GNG2: variants seen among roughly 807,000 people sequenced by gnomAD.
The protein encoded by GNG2 is guanine nucleotide-binding protein G(I)/G(S)/G(O) subunit gamma-2.
GNG2 carries 5 observed loss-of-function variants against 5.5 expected under a neutral mutation model. That is an observed-to-expected ratio of 0.91 (90% CI 0.48 to 1.92). The LOEUF (loss-of-function observed/expected upper bound fraction) is 1.92. GNG2 is among the 30% of genes most tolerant of loss of function. The pLI is 0.01. For missense variants in GNG2, 55 were observed against 88.4 expected, an observed-to-expected ratio of 0.62 and a Z score of 1.52; for synonymous variants, 28 against 32.0, an observed-to-expected ratio of 0.88 and a Z score of 0.42.
At chr14:51,897,516 T>C (rs1471119188) in intron 2 of GNG2, among the ~76,000 whole-genome samples, 1 of 152,190 alleles carries the variant, frequency 6.6e-6, no homozygotes, top group Non-Finnish European at 1.5e-5. Flanking sequence ...AAATTTCCAG[T>C]TGAACTGGTA....
At chr14:51,956,582 A>G (rs984297105) in intron 3 of GNG2, among the ~76,000 whole-genome samples, 2 of 152,188 alleles carry the variant, frequency 1.3e-5, no homozygotes, top group Non-Finnish European at 2.9e-5. Context: ...CACACTTCCC[A>G]TCTCAAGCCT....
At chr14:51,917,567 G>A (rs1749580862) in intron 2 of GNG2, 1 of 361,896 alleles carries the variant, frequency 2.8e-6, no homozygotes, top group Non-Finnish European at 5.4e-6. Context: ...AATTACCTCT[G>A]ATTAAAGGTA....
intron 2 of GNG2, among the ~76,000 whole-genome samples, chr14:51,947,353 G>A (rs1299315629): frequency 1.3e-5 from 2 of 152,160 alleles, no homozygotes; most frequent in Admixed American, 6.5e-5. Context: ...AGATTATCCT[G>A]GATTATCTGT....
At chr14:51,842,171 A>T (rs1881501361) in intron 2 of GNG2, among the ~76,000 whole-genome samples, 1 of 152,242 alleles carries the variant, frequency 6.6e-6, no homozygotes, top group Non-Finnish European at 1.5e-5. Flanking sequence ...CTAAAAGCTT[A>T]TTCAGATATG....
intron 2 of GNG2, chr14:51,914,301 A>C: frequency 1.4e-6 from 1 of 702,034 alleles, no homozygotes; most frequent in Non-Finnish European, 2.6e-6. Context: ...CTGCCGTCTC[A>C]GGCCATTTCA....
chr14:51,850,056 C>A (rs1881835340), intron 2 of GNG2, among the ~76,000 whole-genome samples: 1 of 152,138 alleles, frequency 6.6e-6, no homozygotes, highest in Non-Finnish European at 1.5e-5. Context: ...CCTCCCAACC[C>A]AACTCCATCC....
At chr14:51,871,693 C>G (rs1883308346) in intron 1 of GNG2, among the ~76,000 whole-genome samples, 1 of 152,106 alleles carries the variant, frequency 6.6e-6, no homozygotes, top group Non-Finnish European at 1.5e-5. Flanking sequence ...TTTATTCTAT[C>G]CAAGGGATTT....
At chr14:51,930,494 C>A (rs1308343606) in intron 2 of GNG2, among the ~76,000 whole-genome samples, 1 of 152,210 alleles carries the variant, frequency 6.6e-6, no homozygotes, top group Non-Finnish European at 1.5e-5. Flanking sequence ...TCCTGGTCAT[C>A]ATCTTTGACC....
intron 3 of GNG2, among the ~76,000 whole-genome samples, chr14:51,953,185 C>T (rs1256563294): frequency 1.3e-5 from 2 of 152,114 alleles, no homozygotes; most frequent in Non-Finnish European, 2.9e-5. Context: ...TTCCTAGACC[C>T]GCATCATAAG....
intron 2 of GNG2, among the ~76,000 whole-genome samples, chr14:51,839,883 A>G (rs1881437140): frequency 6.6e-6 from 1 of 152,252 alleles, no homozygotes. Context: ...GAATATATGC[A>G]GAACCATGTC....
At chr14:51,930,776 G>A (rs1157462510) in intron 2 of GNG2, among the ~76,000 whole-genome samples, 1 of 152,146 alleles carries the variant, frequency 6.6e-6, no homozygotes, top group East Asian at 1.9e-4. Flanking sequence ...TCTTGTGAGG[G>A]GCTCAGGAAG....
At chr14:51,838,304 C>T (rs960063120) in intron 2 of GNG2, among the ~76,000 whole-genome samples, 6 of 152,030 alleles carry the variant, frequency 3.9e-5, no homozygotes, top group South Asian at 2.1e-4. Context: ...ATTAGCCAGG[C>T]GTGGTGGCGT....
chr14:51,827,812 G>T (rs1041384350), intron 2 of GNG2: 1 of 684,406 alleles, frequency 1.5e-6, no homozygotes, highest in Non-Finnish European at 2.6e-6. Flanking sequence ...GCAAAGGTAG[G>T]CTTCAACAAA....
chr14:51,955,550 G>A (rs1889227717), intron 3 of GNG2, among the ~76,000 whole-genome samples: 1 of 152,156 alleles, frequency 6.6e-6, no homozygotes, highest in Non-Finnish European at 1.5e-5. Flanking sequence ...TCAGTAGACA[G>A]CTTTAAATTT....
intron 1 of GNG2, among the ~76,000 whole-genome samples, chr14:51,865,919 G>C (rs1882844647): frequency 6.7e-6 from 1 of 148,272 alleles, no homozygotes; most frequent in South Asian, 2.2e-4. Context: ...TCAGTGTTCA[G>C]ACAATCTCTA....
At chr14:51,839,141 A>G (rs1338627591) in intron 2 of GNG2, among the ~76,000 whole-genome samples, 2 of 152,182 alleles carry the variant, frequency 1.3e-5, no homozygotes, top group African/African-American at 4.8e-5. Context: ...CTAAGTTAAG[A>G]ACACACCTGT....
chr14:51,912,578 T>G (rs147205296), intron 2 of GNG2, among the ~76,000 whole-genome samples: 144 of 152,304 alleles, frequency 9.5e-4, no homozygotes, highest in African/African-American at 3.2e-3. Context: ...CCACTTTCAT[T>G]ACTGCTGGGC....
chr14:51,959,483 T>C (rs1889464634), intron 3 of GNG2, among the ~76,000 whole-genome samples: 1 of 152,100 alleles, frequency 6.6e-6, no homozygotes, highest in Non-Finnish European at 1.5e-5. Context: ...ATCCTGGTGA[T>C]TCTACATTCA....
intron 2 of GNG2, among the ~76,000 whole-genome samples, chr14:51,893,932 A>G (rs1383084405): frequency 6.6e-6 from 1 of 151,992 alleles, no homozygotes; most frequent in East Asian, 1.9e-4. Flanking sequence ...ACTTTTTATT[A>G]TATTTCCTGG....
Sources: allele counts gnomAD v4.1 joint callset (sites outside exome capture counted in the v4.1 genomes callset), GRCh38; gene constraint gnomAD v4.1.1; transcripts MANE v1.5; gene names NCBI Gene and HGNC (gene_info 2026-07-23, HGNC 2026-07-21).